The following DHX58 variants were observed in gnomAD, a reference collection of about 807,000 sequenced individuals.
DHX58 encodes DExH-box helicase 58.
A neutral mutation model predicts 65.0 loss-of-function variants in DHX58; 51 were observed. The observed-to-expected ratio is 0.78, with a 90% CI of 0.63 to 0.99. The LOEUF is 0.99. Ranked by LOEUF, DHX58 falls within the 50% of genes least tolerant of loss-of-function variation. The pLI is 0.00. For missense variants in DHX58, 773 were observed against 891.8 expected, an observed-to-expected ratio of 0.87 and a Z score of 1.70; for synonymous variants, 350 against 365.0, an observed-to-expected ratio of 0.96 and a Z score of 0.47.
rs140957705 is a variant in DHX58, at chr17:42,110,757, G to A, written c.527C>T (p.Ser176Phe). The A allele has an allele frequency of 2.2e-5, 36 of 1,611,464 alleles. No individual in the cohort carries two copies. The African/African-American group carries it at 4.4e-4, about 20-fold the overall frequency. ...LTASPGTGGA[S>F]KLDGAINHVL... ...GTGGTTGATGGCCCCATCGAGTTTGGAGGCCCCGCCAGTGCCTGGGGAGGC... is the reference window on the plus strand; with the variant it reads ...GTGGTTGATGGCCCCATCGAGTTTGAAGGCCCCGCCAGTGCCTGGGGAGGC... The change falls in exon 5 of 14, where the codon TCC becomes TTC. Residue 176 changes from serine to phenylalanine, a missense_variant. Ser to Phe is a radical substitution (Grantham distance 155). Transcript: ENST00000251642.
Position 42,111,910 on chromosome 17 carries a change from A to C in DHX58, c.-1-17T>G. 6.3e-7 allele frequency: 1 copy of C among 1,592,608 alleles called. No homozygotes were observed. Among genetic ancestry groups the C allele is most frequent in the Non-Finnish European group, 8.6e-7 (1 of 1,167,130 alleles). Reference sequence around the variant, plus strand: ...AGCTCCATTCTGGGAATGGCAGGGGACTCAGACCCACCGACTCCTCCACCC... The same window carrying C: ...AGCTCCATTCTGGGAATGGCAGGGGCCTCAGACCCACCGACTCCTCCACCC... On this transcript the variant is annotated splice_polypyrimidine_tract_variant and intron_variant, in intron 2 of 13. Coordinates refer to ENST00000251642, the MANE Select transcript of DHX58 (RefSeq NM_024119.3).
chr17:42,110,699 G>A (rs1397279110), intron 5 of DHX58, 24 bp downstream of exon 5: 6 of 1,566,776 alleles, frequency 3.8e-6, no homozygotes, highest in South Asian at 3.6e-5. Flanking sequence ...CTGGCAGTGG[G>A]AGGCCCACAG....
chr17:42,102,062 A>T, intron 13 of DHX58, 116 bp from the exon 14 acceptor site: 2 of 1,444,396 alleles, frequency 1.4e-6, no homozygotes, highest in East Asian at 4.6e-5. Context: ...GATGTCACAG[A>T]CTGTGGGCTC....
At position 42,105,911 on chromosome 17, in the gene DHX58, T is replaced by C; in HGVS notation, c.1076A>G (p.Gln359Arg). ...PKLEMLEKIL[Q>R]RQFSSSNSPR... ...GCTGTTAGAGCTACTGAACTGCCTT[T>C]GCAGGATCTTTTCCAGCATCTCCAG... Residue 359 changes from glutamine (Q) to arginine (R), a missense_variant, in exon 9 of 14, where the codon CAA becomes CGA. Coordinates refer to ENST00000251642, the MANE Select transcript of DHX58 (RefSeq NM_024119.3). 6.2e-7 allele frequency: 1 copy of C among 1,613,898 alleles called. No homozygotes were observed. The highest frequency in any genetic ancestry group is 8.5e-7 in the Non-Finnish European group (1 of 1,180,000).
chr17:42,104,898 A>G lies in DHX58; in HGVS notation c.1431T>C (p.Ser477=). The G allele has an allele frequency of 1.2e-6, 2 of 1,613,858 alleles. No individual in the cohort carries two copies. Among genetic ancestry groups the G allele is most frequent in the South Asian group, 1.1e-5 (1 of 91,070 alleles). Residue 477 remains serine, a synonymous_variant, in exon 11 of 14, where the codon AGT becomes AGC. Transcript: ENST00000251642. The part of the protein sequence containing the change: ...QARGRARADQ[S]VYAFVATEGS... ...CTTCAGTTGCTACAAACGCGTATACACTCTGATCGGCCCGGGCACGGCCCC... is the reference window on the plus strand; with the variant it reads ...CTTCAGTTGCTACAAACGCGTATACGCTCTGATCGGCCCGGGCACGGCCCC...
intron 11 of DHX58, 130 bp downstream of exon 11, chr17:42,104,636 C>T (rs1217593305): frequency 2.3e-6 from 3 of 1,277,842 alleles, no homozygotes; most frequent in South Asian, 1.5e-5. Context: ...TTTAAACCTT[C>T]CCTAGGTGGC....
intron 8 of DHX58, among the ~76,000 whole-genome samples, 171 bp from the exon 9 acceptor site, chr17:42,106,160 G>GA (rs370558434): frequency 0.051 from 6,819 of 133,918 alleles, 168 homozygotes; most frequent in Non-Finnish European, 0.06. Context: ...CTCTGTCTGG[G>GA]AAAAAAAAAA....
chr17:42,109,437 G>A (rs2054115097), intron 5 of DHX58, 51 bp from the exon 6 acceptor site: 2 of 1,514,704 alleles, frequency 1.3e-6, no homozygotes, highest in Non-Finnish European at 1.8e-6. Context: ...TGGGGACAAT[G>A]GTCAAAGATT....
Position 42,103,775 on chromosome 17 carries a change from G to C in DHX58, c.1587C>G (p.Ala529=). 5 of 1,609,284 alleles carry C rather than the reference G, an allele frequency of 3.1e-6. No homozygotes were observed. The highest frequency in any genetic ancestry group is 4.2e-6 in the Non-Finnish European group (5 of 1,179,808). The part of the protein sequence containing the change: ...QAKIRDLQQA[A]LTKRAAQAAQ... ...CTGCCTGGGCCGCCCGCTTGGTCAAGGCTGCCTGCTGCAGATCCCGGATCT... is the reference window on the plus strand; with the variant it reads ...CTGCCTGGGCCGCCCGCTTGGTCAACGCTGCCTGCTGCAGATCCCGGATCT... The change falls in exon 12 of 14, where the codon GCC becomes GCG. Residue 529 remains alanine (A), a synonymous_variant. Transcript: ENST00000251642.
rs554736482 is a variant in DHX58 at position 42,105,127 on chromosome 17, G to A, written c.1292C>T (p.Thr431Ile). ...ACTCGTGGCCACCAGAAGGTTCAGGGTTCCATCTTGGAACTTCTGGATCAC... is the reference window on the plus strand; with the variant it reads ...ACTCGTGGCCACCAGAAGGTTCAGGATTCCATCTTGGAACTTCTGGATCAC... ...QEVIQKFQDG[T>I]LNLLVATSVA... The change falls in exon 10 of 14, where the codon ACC becomes ATC. Residue 431 changes from threonine to isoleucine, a missense_variant. Coordinates refer to ENST00000251642, the MANE Select transcript of DHX58 (RefSeq NM_024119.3). The A allele has an allele frequency of 5.6e-6, 9 of 1,613,954 alleles. No homozygotes were observed. In the Admixed American group the frequency reaches 1.2e-4, roughly 21 times the overall value.
intron 6 of DHX58, 126 bp from the exon 7 acceptor site, chr17:42,108,234 G>T: frequency 7.0e-7 from 1 of 1,436,362 alleles, no homozygotes; most frequent in Non-Finnish European, 9.4e-7. Flanking sequence ...TGTGGTGTGA[G>T]CTCCAGAGGG....
At chr17:42,112,561 C>G (rs2054175807) in intron 1 of DHX58, 44 bp downstream of exon 1, 1 of 69,080 alleles carries the variant, frequency 1.4e-5, no homozygotes. Flanking sequence ...CTGCTGTGGC[C>G]AAAAGGTGGG....
At position 42,103,661 on chromosome 17, in the gene DHX58, G is replaced by A. The variant is rs782729685; in HGVS notation, c.1701C>T (p.Ser567=). 1.7e-5 allele frequency: 28 copies of A among 1,613,880 alleles called. No individual in the cohort carries two copies. Among genetic ancestry groups the A allele is most frequent in the African/African-American group, 4.0e-5 (3 of 74,912 alleles). Reference sequence around the variant, plus strand: ...GGGTGCCCTCCACCTTCCGCAGGTCGCTGCCATGGCCCACAGCCACCATGC... The same window carrying A: ...GGGTGCCCTCCACCTTCCGCAGGTCACTGCCATGGCCCACAGCCACCATGC... ...INCMVAVGHG[S]DLRKVEGTHH... The change falls in exon 12 of 14, where the codon AGC becomes AGT. Residue 567 remains serine, a synonymous_variant. Transcript: ENST00000251642.
chr17:42,102,090 A>G (rs1230022301), intron 13 of DHX58, 126 bp downstream of exon 13: 1 of 1,409,578 alleles, frequency 7.1e-7, no homozygotes, highest in African/African-American at 1.4e-5. Context: ...GAGGGGCTGG[A>G]CCTCCCTCTT....
At chr17:42,108,181 C>T (rs1598218683) in intron 6 of DHX58, 73 bp from the exon 7 acceptor site, 3 of 1,605,066 alleles carry the variant, frequency 1.9e-6, no homozygotes, top group East Asian at 4.5e-5. Context: ...GTGCTGACCC[C>T]GGCGTGTAGC....
Position 42,101,630 on chromosome 17 carries a change from G to T in DHX58, c.*131C>A. 1.6e-6 allele frequency: 2 copies of T among 1,269,658 alleles called. No individual in the cohort carries two copies. Among genetic ancestry groups the T allele is most frequent in the Non-Finnish European group, 1.1e-6 (1 of 918,470 alleles). 78.6% of individuals were successfully genotyped at this position (1,269,658 alleles called of 1,614,324 possible). On this transcript the variant is annotated 3_prime_UTR_variant, in exon 14 of 14. Coordinates refer to ENST00000251642, the MANE Select transcript of DHX58 (RefSeq NM_024119.3). ...TCCCATTGCGGGAGCCTAAGCCAGG[G>T]TGCCCAGGACTCCTGTGTGGCTGGT... is the stretch of plus-strand genomic sequence containing the variant.
In DHX58 at chr17:42,107,643, T is replaced by C; in HGVS notation, c.958A>G (p.Ile320Val). 6.2e-7 allele frequency: 1 copy of C among 1,604,762 alleles called. No homozygotes were observed. Among genetic ancestry groups the C allele is most frequent in the South Asian group, 1.1e-5 (1 of 90,702 alleles). Residue 320 changes from isoleucine (I) to valine (V), a missense_variant, in exon 8 of 14, where the codon ATC becomes GTC. Transcript: ENST00000251642. ...YHREHVTKTQ[I>V]LCAERRLLAL... ...AGCAGCCGGCGCTCGGCACACAGGA[T>C]CTGGGTTTTAGTGACGTGCTCCCTG... is the stretch of plus-strand genomic sequence containing the variant.
intron 6 of DHX58, among the ~76,000 whole-genome samples, chr17:42,109,012 T>C (rs782305973): frequency 6.6e-6 from 1 of 152,268 alleles, no homozygotes; most frequent in Non-Finnish European, 1.5e-5. Context: ...AAAGTATCCC[T>C]GCTCTCTGGT....
intron 4 of DHX58, 22 bp downstream of exon 4, chr17:42,111,274 T>C (rs1555664093): frequency 1.9e-6 from 3 of 1,602,588 alleles, no homozygotes; most frequent in Admixed American, 3.3e-5. Context: ...CGTATCTTTT[T>C]CCTCCCGGCC....
Sources: allele counts gnomAD v4.1 joint callset (sites outside exome capture counted in the v4.1 genomes callset), GRCh38; gene constraint gnomAD v4.1.1; transcripts MANE v1.5; gene names NCBI Gene and HGNC (gene_info 2026-07-23, HGNC 2026-07-21).